Variants in TRABD2A observed in about 807,000 individuals in gnomAD.
The protein encoded by TRABD2A is metalloprotease TIKI1.
Under a neutral mutation model 45.6 loss-of-function variants are expected in TRABD2A, and 43 were observed. The observed-to-expected ratio is 0.94, with a 90% confidence interval of 0.74 to 1.22. The LOEUF (loss-of-function observed/expected upper bound fraction) is 1.22, where lower values mean the gene tolerates loss of function less well. Ranked by LOEUF, TRABD2A falls within the 50% of genes most tolerant of loss-of-function variation. The probability of loss-of-function intolerance (pLI) is 0.00; values close to 1 mark genes in which losing one functional copy is unlikely to be tolerated. For missense variants in TRABD2A, 642 were observed against 652.4 expected (o/e 0.98, Z 0.17); for synonymous variants, 269 against 265.0 (o/e 1.02, Z -0.15).
At chr2:84,873,249 C>G (rs1222358405) in intron 1 of TRABD2A, among the ~76,000 whole-genome samples, 6 of 151,810 alleles carry the variant, frequency 4.0e-5, no homozygotes, top group Non-Finnish European at 7.4e-5. Context: ...AACTCCACCT[C>G]TACTAAAAAG....
chr2:84,864,852 G>A, intron 2 of TRABD2A, among the ~76,000 whole-genome samples: 1 of 152,136 alleles, frequency 6.6e-6, no homozygotes, highest in East Asian at 1.9e-4. Flanking sequence ...CAAAGAATCT[G>A]ACCCCTTCCT....
At chr2:84,871,919 A>T (rs1035946956) in intron 1 of TRABD2A, among the ~76,000 whole-genome samples, 12 of 152,176 alleles carry the variant, frequency 7.9e-5, no homozygotes, top group Non-Finnish European at 1.5e-5. Flanking sequence ...TTTCTCTCAC[A>T]AAGCCTTCAG....
chr2:84,858,922 G>GT lies in TRABD2A; in HGVS notation c.669+11302dup, dbSNP rs1682403981. 5.3e-5 allele frequency among the ~76,000 whole-genome samples: 8 copies of GT among 152,144 alleles called. No homozygotes were observed. The South Asian group carries it at 1.7e-3, about 32-fold the overall frequency. On this transcript the variant is annotated intron_variant, in intron 2 of 6. Transcript: ENST00000409520. ...GTGGGAGGATCTTTAGATGCCAGGA[G>GT]TTTGAGGCCAGCCAAGCAACATAGC...
chr2:84,871,862 T>C (rs1316690552), intron 1 of TRABD2A, among the ~76,000 whole-genome samples: 1 of 152,220 alleles, frequency 6.6e-6, no homozygotes, highest in African/African-American at 2.4e-5. Flanking sequence ...AATGAGCCTA[T>C]GATTTTACAG....
chr2:84,824,546 C>CTTTTTT (rs33984190), intron 5 of TRABD2A, among the ~76,000 whole-genome samples: 2 of 106,094 alleles, frequency 1.9e-5, no homozygotes, highest in Non-Finnish European at 3.8e-5. Flanking sequence ...ACAATTATAG[C>CTTTTTT]TTTTTTTTTT....
intron 5 of TRABD2A, 76 bp from the exon 6 acceptor site, chr2:84,824,280 T>C: frequency 6.4e-7 from 1 of 1,556,670 alleles, no homozygotes; most frequent in Non-Finnish European, 8.6e-7. Context: ...CTCTTACACC[T>C]CAGGGTTTCA....
chr2:84,849,132 A>G (rs1206952783), intron 2 of TRABD2A, among the ~76,000 whole-genome samples: 2 of 152,068 alleles, frequency 1.3e-5, no homozygotes, highest in African/African-American at 4.8e-5. Flanking sequence ...CCCCAGATGT[A>G]TCCCCTACTG....
intron 2 of TRABD2A, among the ~76,000 whole-genome samples, chr2:84,856,735 A>C (rs902446003): frequency 2.0e-5 from 3 of 151,986 alleles, no homozygotes; most frequent in African/African-American, 7.3e-5. Flanking sequence ...CGCTTTGGTC[A>C]CATCTCCTGA....
At chr2:84,840,665 T>A (rs1221525814) in intron 3 of TRABD2A, among the ~76,000 whole-genome samples, 4 of 152,248 alleles carry the variant, frequency 2.6e-5, no homozygotes, top group African/African-American at 9.6e-5. Context: ...TTCTGCTGCT[T>A]CAAATGTCAA....
At chr2:84,879,893 A>C (rs1289652135) in intron 1 of TRABD2A, among the ~76,000 whole-genome samples, 1 of 152,180 alleles carries the variant, frequency 6.6e-6, no homozygotes, top group Admixed American at 6.6e-5. Flanking sequence ...ATGAGGAATA[A>C]AATTGCGAAT....
chr2:84,868,774 A>T (rs1411832039), intron 2 of TRABD2A, among the ~76,000 whole-genome samples: 2 of 152,236 alleles, frequency 1.3e-5, no homozygotes, highest in African/African-American at 4.8e-5. Context: ...CCCAATTGGG[A>T]GTATGAAAGA....
At chr2:84,877,762 C>T (rs2105416241) in intron 1 of TRABD2A, among the ~76,000 whole-genome samples, 1 of 152,352 alleles carries the variant, frequency 6.6e-6, no homozygotes, top group South Asian at 2.1e-4. Context: ...CAAGCTAACT[C>T]CGTAACACCC....
intron 2 of TRABD2A, among the ~76,000 whole-genome samples, chr2:84,852,074 T>C (rs1335421409): frequency 6.6e-6 from 1 of 152,200 alleles, no homozygotes; most frequent in Non-Finnish European, 1.5e-5. Context: ...GTCCCTGAGA[T>C]GTCTGAGTCA....
chr2:84,855,391 A>C (rs967070454), intron 2 of TRABD2A, among the ~76,000 whole-genome samples: 1 of 152,176 alleles, frequency 6.6e-6, no homozygotes, highest in African/African-American at 2.4e-5. Flanking sequence ...TAAGATACAC[A>C]GATTGCTACT....
intron 5 of TRABD2A, among the ~76,000 whole-genome samples, chr2:84,829,637 C>A (rs1230534950): frequency 6.7e-6 from 1 of 149,562 alleles, no homozygotes; most frequent in African/African-American, 2.5e-5. Flanking sequence ...AAACCCCACA[C>A]GTACACAACA....
intron 2 of TRABD2A, 147 bp downstream of exon 2, chr2:84,870,078 C>A: frequency 1.2e-6 from 1 of 814,120 alleles, no homozygotes; most frequent in Non-Finnish European, 1.9e-6. Flanking sequence ...GACCACTTGG[C>A]TTTTTTTTTA....
intron 2 of TRABD2A, among the ~76,000 whole-genome samples, chr2:84,866,682 CTTTTTTTTTT>C (rs111567421): frequency 8.6e-5 from 12 of 139,456 alleles, no homozygotes; most frequent in African/African-American, 3.1e-4. Context: ...CAATTTCCTG[CTTTTTTTTTT>C]TTTTTTGCTT....
intron 4 of TRABD2A, chr2:84,833,165 C>T (rs1331859686): frequency 6.6e-6 from 1 of 152,218 alleles, no homozygotes; most frequent in African/African-American, 2.4e-5. Flanking sequence ...CAAAACCATT[C>T]CCTCCCATCC....
At chr2:84,874,464 G>GAGT (rs1211269935) in intron 1 of TRABD2A, among the ~76,000 whole-genome samples, 1 of 152,232 alleles carries the variant, frequency 6.6e-6, no homozygotes, top group African/African-American at 2.4e-5. Flanking sequence ...ATACAACAGT[G>GAGT]AGTGACACAC....
Sources: allele counts gnomAD v4.1 joint callset (sites outside exome capture counted in the v4.1 genomes callset), GRCh38; gene constraint gnomAD v4.1.1; transcripts MANE v1.5; gene names NCBI Gene and HGNC (gene_info 2026-07-23, HGNC 2026-07-21).